Variants in FAT2 observed in about 807,000 individuals in gnomAD.
FAT2 encodes protocadherin Fat 2.
FAT2 carries 150 observed loss-of-function variants against 295.3 expected under a neutral mutation model. The observed-to-expected ratio is 0.51, with a 90% CI of 0.44 to 0.58. FAT2 has a LOEUF of 0.58. FAT2 is among the 20% of genes least tolerant of loss of function. The probability of loss-of-function intolerance (pLI) is 0.00; values close to 1 mark genes in which losing one functional copy is unlikely to be tolerated. For synonymous variants in FAT2, 2,026 were observed against 2,150.3 expected (o/e 0.94, Z 1.60); for missense variants, 4,868 against 5,442.7 (o/e 0.89, Z 3.32).
At chr5:151,577,644 A>G (rs1388936136) in intron 1 of FAT2, among the ~76,000 whole-genome samples, 1 of 152,182 alleles carries the variant, frequency 6.6e-6, no homozygotes, top group East Asian at 1.9e-4. Flanking sequence ...AGTGAGGAAG[A>G]GAGCCAGAGA....
At chr5:151,584,555 T>C (rs1458790455) in intron 1 of FAT2, among the ~76,000 whole-genome samples, 1 of 152,206 alleles carries the variant, frequency 6.6e-6, no homozygotes, top group African/African-American at 2.4e-5. Flanking sequence ...CCAGATTTAG[T>C]ACTCCCTTGG....
chr5:151,587,859 G>A (rs183472211), intron 1 of FAT2, among the ~76,000 whole-genome samples: 13 of 152,320 alleles, frequency 8.5e-5, no homozygotes, highest in Non-Finnish European at 1.6e-4. Flanking sequence ...AGGGTGATGT[G>A]GGCAGTTGTG....
At chr5:151,537,765 T>C in intron 12 of FAT2, 28 bp downstream of exon 12, 3 of 1,595,558 alleles carry the variant, frequency 1.9e-6, no homozygotes, top group Non-Finnish European at 2.6e-6. Flanking sequence ...GAAGTTCTTG[T>C]TTTGATCCTG....
intron 18 of FAT2, among the ~76,000 whole-genome samples, chr5:151,524,184 C>T (rs1004628424): frequency 6.6e-6 from 1 of 152,140 alleles, no homozygotes; most frequent in Non-Finnish European, 1.5e-5. Context: ...AACCACCTCT[C>T]ATTGTACTTA....
upstream of FAT2, among the ~76,000 whole-genome samples, chr5:151,593,935 G>A (rs1170452763): frequency 6.6e-6 from 1 of 152,058 alleles, no homozygotes; most frequent in Non-Finnish European, 1.5e-5. Context: ...CCCGGGAGGT[G>A]GAGGTTACAG....
At chr5:151,530,630 T>G (rs1342630567) in intron 14 of FAT2, among the ~76,000 whole-genome samples, 1 of 152,248 alleles carries the variant, frequency 6.6e-6, no homozygotes, top group South Asian at 2.1e-4. Context: ...AAGACATTTA[T>G]GAGAATCTGA....
chr5:151,509,847 C>G (rs1761180556), intron 22 of FAT2, 174 bp downstream of exon 22: 1 of 673,964 alleles, frequency 1.5e-6, no homozygotes, highest in Non-Finnish European at 2.6e-6. Flanking sequence ...TTCCATGAAA[C>G]CGGTCCCTGG....
chr5:151,591,713 G>A (rs935711116), upstream of FAT2, among the ~76,000 whole-genome samples: 1 of 152,156 alleles, frequency 6.6e-6, no homozygotes. Context: ...GGGCTTTGGA[G>A]ACGGACAGAT....
chr5:151,586,790 T>C (rs1759187607), intron 1 of FAT2, among the ~76,000 whole-genome samples: 1 of 152,212 alleles, frequency 6.6e-6, no homozygotes, highest in Admixed American at 6.5e-5. Flanking sequence ...TGCTTCAAGA[T>C]AATCTGATAG....
At chr5:151,557,351 C>G (rs1399602505) in intron 3 of FAT2, among the ~76,000 whole-genome samples, 1 of 152,116 alleles carries the variant, frequency 6.6e-6, no homozygotes, top group Non-Finnish European at 1.5e-5. Context: ...GCTGACCCGC[C>G]TGGGGAGAAG....
chr5:151,545,554 A>T lies in FAT2; in HGVS notation c.5573T>A (p.Val1858Asp). Residue 1858 changes from valine (V) to aspartate (D), a missense_variant, in exon 10 of 24, where the codon GTC becomes GAC. By Grantham distance (152) the Val-to-Asp change is radical. Transcript: ENST00000261800. Reference sequence around the variant, plus strand: ...ATTCACATCTCTGACATGAATGATGACTTGGGCAGGTCTGGGTGCAAATAA... The same window carrying T: ...ATTCACATCTCTGACATGAATGATGTCTTGGGCAGGTCTGGGTGCAAATAA... Reference protein sequence around the residue: ...PVLFAPRPAQVIIHVRDVNDS... With the variant: ...PVLFAPRPAQDIIHVRDVNDS... 6.2e-7 allele frequency: 1 copy of T among 1,614,152 alleles called. No homozygotes were observed. Among genetic ancestry groups the T allele is most frequent in the Non-Finnish European group, 8.5e-7 (1 of 1,180,008 alleles).
At position 151,525,858 on chromosome 5, in the gene FAT2, G is replaced by C. The variant is rs1195760037; in HGVS notation, c.10416C>G (p.Gly3472=). The change falls in exon 18 of 24, where the codon GGC becomes GGG. Residue 3472 remains glycine, a synonymous_variant. Coordinates refer to ENST00000261800, the MANE Select transcript of FAT2 (RefSeq NM_001447.3). The stretch of plus-strand genomic sequence containing the variant: ...CATCCGGGGTCACTCGGAAGGCAGA[G>C]CCGTTGTTCCCCTTGGTGATTCGAA... The part of the protein sequence containing the change: ...YSFRITKGNN[G]SAFRVTPDGW... 6.2e-7 allele frequency: 1 copy of C among 1,614,110 alleles called. No homozygotes were observed. Among genetic ancestry groups the C allele is most frequent in the Non-Finnish European group, 8.5e-7 (1 of 1,179,976 alleles).
At position 151,568,815 on chromosome 5, in the gene FAT2, A is replaced by T; in HGVS notation, c.117T>A (p.Asn39Lys). 6.2e-7 allele frequency: 1 copy of T among 1,614,094 alleles called. No homozygotes were observed. The highest frequency in any genetic ancestry group is 8.5e-7 in the Non-Finnish European group (1 of 1,180,016). ...GAGAAGAATTTTCATAGATGGTGGC[A>T]TTGTAATGGGAGTGTGTGAAGTGCC... is the stretch of plus-strand genomic sequence containing the variant. ...SAWHFTHSHY[N>K]ATIYENSSPK... The change falls in exon 2 of 24, where the codon AAT becomes AAA. Residue 39 changes from asparagine to lysine, a missense_variant. Around this residue, in one of 5 missense-constraint regions of FAT2, gnomAD observed 3,297 missense variants for 3,669.4 expected, o/e 0.90. Transcript: ENST00000261800.
At chr5:151,551,713 C>T in intron 6 of FAT2, 107 bp from the exon 7 acceptor site, 2 of 1,185,714 alleles carry the variant, frequency 1.7e-6, no homozygotes, top group Non-Finnish European at 2.4e-6. Context: ...GTAAATTCCA[C>T]AGTACAAGAT....
chr5:151,519,664 A>G (rs1359937290), intron 19 of FAT2, among the ~76,000 whole-genome samples: 1 of 152,250 alleles, frequency 6.6e-6, no homozygotes, highest in Non-Finnish European at 1.5e-5. Flanking sequence ...GGCGTTGGCT[A>G]CACAGATATA....
Position 151,564,968 on chromosome 5 carries a change from G to A in FAT2, c.3259+705C>T, listed in dbSNP as rs1476665620. ...GGTGCCTGTAATTCCAGCTACTTTCGGGAGCCTAAGGCAGGAGAATCGCTT... is the reference window on the plus strand; with the variant it reads ...GGTGCCTGTAATTCCAGCTACTTTCAGGAGCCTAAGGCAGGAGAATCGCTT... On this transcript the variant is annotated intron_variant, in intron 2 of 23. Transcript: ENST00000261800. Among the ~76,000 whole-genome samples the A allele has an allele frequency of 2.6e-5, 4 of 152,128 alleles. No homozygotes were observed. The East Asian group carries it at 5.8e-4, about 22-fold the overall frequency.
At chr5:151,557,306 A>ATTCCTAGCTTTC (rs1757787082) in intron 3 of FAT2, among the ~76,000 whole-genome samples, 1 of 152,176 alleles carries the variant, frequency 6.6e-6, no homozygotes, top group Non-Finnish European at 1.5e-5. Context: ...AATTAGAACC[A>ATTCCTAGCTTTC]TTCCTAGCTT....
Position 151,505,729 on chromosome 5 carries a change from T to C in FAT2, c.12886A>G (p.Lys4296Glu). The C allele has an allele frequency of 1.2e-6, 2 of 1,613,722 alleles. No individual in the cohort carries two copies. The highest frequency in any genetic ancestry group is 1.7e-6 in the Non-Finnish European group (2 of 1,179,742). The change falls in exon 24 of 24, where the codon AAG (lysine) becomes GAG (glutamate). Residue 4296 changes from lysine to glutamate, a missense_variant. Transcript: ENST00000261800. ...CGGCTGAGGCGCATACCCACCCCCT[T>C]GTAGCCCCCGTCTGCCAGGCAGGGC... ...GGPCLADGGY[K>E]GVGMRLSRAG...
In FAT2 at chr5:151,527,341, T is replaced by C; in HGVS notation, c.10201A>G (p.Ser3401Gly). ...TCCTCATGCAGTGGAGGCTGCCCAC[T>C]GTCTGTGGCTCGGAGCTTCAGGGAA... is the stretch of plus-strand genomic sequence containing the variant. Reference protein sequence around the residue: ...SYSLKLRATDSGQPPLHEDTD... With the variant: ...SYSLKLRATDGGQPPLHEDTD... The change falls in exon 17 of 24, where the codon AGT (serine) becomes GGT (glycine). Residue 3401 changes from serine to glycine, a missense_variant. Ser to Gly is a moderately conservative substitution (Grantham distance 56). Around this residue, in one of 5 missense-constraint regions of FAT2, gnomAD observed 1,046 missense variants for 1,210.1 expected, o/e 0.86. Transcript: ENST00000261800. The C allele has an allele frequency of 1.2e-6, 2 of 1,612,636 alleles. No homozygotes were observed. Among genetic ancestry groups the C allele is most frequent in the South Asian group, 1.1e-5 (1 of 90,938 alleles).
Sources: gnomAD v4.1 joint callset for allele counts (sites outside exome capture counted in the v4.1 genomes callset) on GRCh38, gnomAD v4.1.1 for gene constraint, gnomAD v4.1.1 regional missense constraint, MANE v1.5 for transcripts, NCBI Gene and HGNC (gene_info 2026-07-23, HGNC 2026-07-21) for gene names.